Variants in SLIT1 observed in about 807,000 individuals in gnomAD.
SLIT1 encodes the protein slit homolog 1 protein.
In SLIT1, 66 loss-of-function variants were observed where a neutral mutation model predicts 186.1. That is an observed-to-expected ratio of 0.35 (90% confidence interval 0.29 to 0.44). The LOEUF (loss-of-function observed/expected upper bound fraction) is 0.44. SLIT1 is among the 20% of genes least tolerant of loss of function. The pLI is 1.00. For synonymous variants in SLIT1, 761 were observed against 833.8 expected (o/e 0.91, Z 1.50); for missense variants, 1,638 against 2,037.4 (o/e 0.80, Z 3.77).
chr10:97,001,558 G>A (rs1025020985), intron 36 of SLIT1, among the ~76,000 whole-genome samples: 17 of 152,250 alleles, frequency 1.1e-4, no homozygotes, highest in South Asian at 6.2e-4. Flanking sequence ...TGGTCCTAGC[G>A]TCAGGGCCCT....
chr10:97,164,718 G>T, intron 2 of SLIT1, 101 bp downstream of exon 2: 1 of 862,064 alleles, frequency 1.2e-6, no homozygotes, highest in Non-Finnish European at 2.0e-6. Flanking sequence ...GTGGTAGAGG[G>T]GCCCAGACAG....
chr10:97,076,490 G>A (rs945521333), intron 4 of SLIT1, among the ~76,000 whole-genome samples: 10 of 152,128 alleles, frequency 6.6e-5, no homozygotes, highest in African/African-American at 2.2e-4. Flanking sequence ...TGCCTCCCAC[G>A]TAGAAGGGGA....
intron 4 of SLIT1, among the ~76,000 whole-genome samples, chr10:97,147,636 G>C (rs561256957): frequency 2.1e-4 from 32 of 151,990 alleles, no homozygotes; most frequent in South Asian, 6.3e-4. Flanking sequence ...AGCTGGGAGG[G>C]GGGGGAAGGA....
chr10:97,078,162 A>T (rs748937564), intron 4 of SLIT1, among the ~76,000 whole-genome samples: 4 of 152,216 alleles, frequency 2.6e-5, no homozygotes, highest in Non-Finnish European at 2.9e-5. Flanking sequence ...ACATGGTCCC[A>T]GGGAATTCCT....
At chr10:97,067,848 G>A (rs899749149) in intron 4 of SLIT1, among the ~76,000 whole-genome samples, 3 of 152,118 alleles carry the variant, frequency 2.0e-5, no homozygotes, top group East Asian at 1.9e-4. Flanking sequence ...GGGCTTTGAC[G>A]GTGCCCTTCC....
intron 4 of SLIT1, among the ~76,000 whole-genome samples, chr10:97,147,706 T>G (rs1439498993): frequency 1.3e-5 from 2 of 152,178 alleles, no homozygotes; most frequent in Admixed American, 1.3e-4. Context: ...TCTTCAAGAA[T>G]ACTCCATGGC....
chr10:97,179,013 G>A (rs188006755), intron 1 of SLIT1, among the ~76,000 whole-genome samples: 70 of 152,166 alleles, frequency 4.6e-4, no homozygotes, highest in African/African-American at 1.6e-3. Flanking sequence ...CTTACCTTCT[G>A]AATGCTCCCA....
chr10:97,047,059 C>A lies in SLIT1; in HGVS notation c.1641G>T (p.Leu547Phe). The change falls in exon 17 of 37, where the codon TTG (leucine) becomes TTT (phenylalanine). Residue 547 changes from leucine to phenylalanine, a missense_variant. Physicochemically the swap from Leu to Phe is conservative, Grantham distance 22. Around this residue, in one of 3 missense-constraint regions of SLIT1, gnomAD observed 1,245 missense variants for 1,535.3 expected, o/e 0.81. Coordinates refer to ENST00000266058, the MANE Select transcript of SLIT1 (RefSeq NM_003061.3). Reference sequence around the variant, plus strand: ...CCAGGATGGAAATCTCATTGTTATTCAATCGCCTGTAAGAGACAAGAATGA... The same window carrying A: ...CCAGGATGGAAATCTCATTGTTATTAAATCGCCTGTAAGAGACAAGAATGA... ...RIPQSTAELR[L>F]NNNEISILEA... 1.9e-6 allele frequency: 3 copies of A among 1,604,846 alleles called. No homozygotes were observed. Among genetic ancestry groups the A allele is most frequent in the Non-Finnish European group, 2.6e-6 (3 of 1,171,628 alleles).
chr10:97,163,817 A>T (rs1850065108), intron 2 of SLIT1, among the ~76,000 whole-genome samples: 1 of 152,166 alleles, frequency 6.6e-6, no homozygotes, highest in South Asian at 2.1e-4. Flanking sequence ...AGCAGGCAGC[A>T]CAGGCTGGCT....
At chr10:97,083,427 C>A (rs923724731) in intron 4 of SLIT1, among the ~76,000 whole-genome samples, 16 of 152,130 alleles carry the variant, frequency 1.1e-4, no homozygotes, top group Admixed American at 9.2e-4. Context: ...GTATGTATGT[C>A]GGCAGTGACA....
At chr10:97,074,161 T>C (rs955721254) in intron 4 of SLIT1, among the ~76,000 whole-genome samples, 2 of 152,094 alleles carry the variant, frequency 1.3e-5, no homozygotes, top group African/African-American at 4.8e-5. Context: ...TGAACGTCCA[T>C]CTCCCTCTCC....
At chr10:97,175,551 C>A (rs1850245449) in intron 1 of SLIT1, among the ~76,000 whole-genome samples, 1 of 152,196 alleles carries the variant, frequency 6.6e-6, no homozygotes, top group Admixed American at 6.5e-5. Context: ...ATTTTCTGTT[C>A]TTTTGACAGT....
chr10:97,104,599 A>G (rs1202340184), intron 4 of SLIT1, among the ~76,000 whole-genome samples: 2 of 151,508 alleles, frequency 1.3e-5, no homozygotes, highest in Non-Finnish European at 2.9e-5. Flanking sequence ...CAGACCCTTC[A>G]CTCTTGGATG....
At chr10:97,087,370 C>T (rs190386464) in intron 4 of SLIT1, among the ~76,000 whole-genome samples, 180 of 152,346 alleles carry the variant, frequency 1.2e-3, no homozygotes, top group African/African-American at 4.2e-3. Flanking sequence ...CTCCCTGTTC[C>T]CCCAAACAAA....
intron 4 of SLIT1, among the ~76,000 whole-genome samples, chr10:97,150,736 C>T (rs549967131): frequency 7.2e-5 from 11 of 152,248 alleles, no homozygotes; most frequent in Admixed American, 3.9e-4. Context: ...CAGAGCTGCA[C>T]GGCAGCAGAG....
chr10:97,080,498 G>A (rs1011620083), intron 4 of SLIT1, among the ~76,000 whole-genome samples: 1 of 152,148 alleles, frequency 6.6e-6, no homozygotes, highest in East Asian at 1.9e-4. Flanking sequence ...TAACAGTTTG[G>A]TTTTAGTTGG....
At position 97,043,473 on chromosome 10, in the gene SLIT1, T is replaced by C; in HGVS notation, c.1894A>G (p.Ser632Gly). ...NNRISCIHND[S>G]FTGLRNVRLL... The stretch of plus-strand genomic sequence containing the variant: ...CGGACGTTGCGCAGGCCCGTGAAGC[T>C]GTCGTTGTGGATGCAGCTGATGCGG... Residue 632 changes from serine (S) to glycine (G), a missense_variant, in exon 19 of 37, where the codon AGC becomes GGC. Physicochemically the swap from Ser to Gly is moderately conservative, Grantham distance 56. This residue lies in a region of SLIT1 where 1,245 missense variants were observed against 1,535.3 expected (regional missense o/e 0.81). Transcript: ENST00000266058. This position sits in a 1 kb window ranked among gnomAD's most constrained non-coding sequence, Gnocchi z 7.0. 1 of 1,613,824 alleles carries C rather than the reference T, an allele frequency of 6.2e-7. No homozygotes were observed. The highest frequency in any genetic ancestry group is 8.5e-7 in the Non-Finnish European group (1 of 1,179,954).
At position 97,108,482 on chromosome 10, in the gene SLIT1, G is replaced by A. The variant is rs1203087137; in HGVS notation, c.414-42396C>T. 2.6e-5 allele frequency among the ~76,000 whole-genome samples: 4 copies of A among 152,162 alleles called. No individual in the cohort carries two copies. The East Asian group carries it at 5.8e-4, about 22-fold the overall frequency. On this transcript the variant is annotated intron_variant, in intron 4 of 36. Coordinates refer to ENST00000266058, the MANE Select transcript of SLIT1 (RefSeq NM_003061.3). Reference sequence around the variant, plus strand: ...GAGAGTTCCAGAGGGCCCAGGCTCCGTGTGTCTGCAGTGCCCCCAGCACAC... The same window carrying A: ...GAGAGTTCCAGAGGGCCCAGGCTCCATGTGTCTGCAGTGCCCCCAGCACAC...
intron 4 of SLIT1, among the ~76,000 whole-genome samples, chr10:97,113,550 C>A (rs1322200871): frequency 7.1e-6 from 1 of 140,850 alleles, no homozygotes; most frequent in Non-Finnish European, 1.5e-5. Context: ...AAACATTTTT[C>A]TTTTAGGTTT....
Sources: gnomAD v4.1 joint callset for allele counts (sites outside exome capture counted in the v4.1 genomes callset) on GRCh38, gnomAD v4.1.1 for gene constraint, gnomAD v4.1.1 regional missense constraint, Gnocchi (gnomAD v3.1) non-coding constraint, MANE v1.5 for transcripts, NCBI Gene and HGNC (gene_info 2026-07-23, HGNC 2026-07-21) for gene names.